The following GALNT17 variants were observed in gnomAD, a reference collection of about 807,000 sequenced individuals.
GALNT17 encodes UDP-GalNAc:polypeptide N-acetylgalactosaminyltransferase-like 3.
Under a neutral mutation model 63.7 loss-of-function variants are expected in GALNT17, and 29 were observed. That is an observed-to-expected ratio of 0.46 (90% confidence interval 0.34 to 0.62). The LOEUF is 0.62. Ranked by LOEUF, GALNT17 falls within the 20% of genes least tolerant of loss-of-function variation. The probability of loss-of-function intolerance (pLI) is 0.01; values close to 1 mark genes in which losing one functional copy is unlikely to be tolerated. For synonymous variants in GALNT17, 305 were observed against 318.3 expected, an observed-to-expected ratio of 0.96 and a Z score of 0.45; for missense variants, 603 against 799.6, an observed-to-expected ratio of 0.75 and a Z score of 2.97.
At chr7:71,566,965 C>G (rs972345864) in intron 5 of GALNT17, among the ~76,000 whole-genome samples, 16 of 152,308 alleles carry the variant, frequency 1.1e-4, no homozygotes, top group Non-Finnish European at 2.4e-4. Flanking sequence ...CCCTCAGGAA[C>G]TGCTCACGGT....
chr7:71,361,503 C>T (rs1792401056), intron 2 of GALNT17, among the ~76,000 whole-genome samples: 1 of 152,030 alleles, frequency 6.6e-6, no homozygotes, highest in African/African-American at 2.4e-5. Flanking sequence ...TCAACAAATA[C>T]CTATTGTATA....
intron 1 of GALNT17, among the ~76,000 whole-genome samples, chr7:71,270,431 A>G (rs1013988442): frequency 1.3e-5 from 2 of 151,398 alleles, no homozygotes; most frequent in African/African-American, 4.9e-5. Flanking sequence ...AGGCTGAGGC[A>G]GGAGAATCAT....
chr7:71,360,160 A>G (rs1464328198), intron 2 of GALNT17, among the ~76,000 whole-genome samples: 1 of 152,214 alleles, frequency 6.6e-6, no homozygotes, highest in Non-Finnish European at 1.5e-5. Context: ...ACATGATCCA[A>G]CCAAATATGA....
At chr7:71,544,136 T>TC (rs1788941179) in intron 5 of GALNT17, among the ~76,000 whole-genome samples, 1 of 144,988 alleles carries the variant, frequency 6.9e-6, no homozygotes, top group South Asian at 2.3e-4. Flanking sequence ...TTTTTTTTTT[T>TC]TTTTTTTTTT....
chr7:71,600,716 C>G (rs1789954650), intron 6 of GALNT17, among the ~76,000 whole-genome samples: 1 of 151,744 alleles, frequency 6.6e-6, no homozygotes, highest in Non-Finnish European at 1.5e-5. Flanking sequence ...GGGTTTGTAC[C>G]TTGGAGAGTA....
intron 5 of GALNT17, among the ~76,000 whole-genome samples, chr7:71,460,577 T>C (rs1015577125): frequency 6.6e-6 from 1 of 152,160 alleles, no homozygotes; most frequent in Non-Finnish European, 1.5e-5. Context: ...AGAGGGTTCT[T>C]GGATCTCATG....
chr7:71,591,756 A>G (rs1250266609), intron 6 of GALNT17, among the ~76,000 whole-genome samples: 1 of 151,796 alleles, frequency 6.6e-6, no homozygotes, highest in Non-Finnish European at 1.5e-5. Context: ...TCTGCCTCCC[A>G]GATTCCAGCG....
chr7:71,696,648 G>C (rs1445484747), intron 9 of GALNT17, among the ~76,000 whole-genome samples: 1 of 152,142 alleles, frequency 6.6e-6, no homozygotes, highest in Non-Finnish European at 1.5e-5. Flanking sequence ...GTTAATAGTT[G>C]TATGTGTCTC....
intron 1 of GALNT17, among the ~76,000 whole-genome samples, chr7:71,266,135 A>G (rs748116320): frequency 6.6e-6 from 1 of 151,882 alleles, no homozygotes; most frequent in Non-Finnish European, 1.5e-5. Context: ...TGTTACTTTG[A>G]TCCTCCTGTA....
At chr7:71,496,025 G>A (rs146032884) in intron 5 of GALNT17, among the ~76,000 whole-genome samples, 2,145 of 152,326 alleles carry the variant, frequency 0.014, 27 homozygotes, top group Non-Finnish European at 0.017. Context: ...AGGCCAGAAG[G>A]CATGGGAACA....
At chr7:71,152,766 A>G (rs1016605122) in intron 1 of GALNT17, among the ~76,000 whole-genome samples, 3 of 151,672 alleles carry the variant, frequency 2.0e-5, no homozygotes, top group Non-Finnish European at 4.4e-5. Context: ...CTGAGTAGCT[A>G]GGATTACAGG....
intron 1 of GALNT17, among the ~76,000 whole-genome samples, chr7:71,150,660 G>A (rs952789602): frequency 9.2e-5 from 14 of 151,834 alleles, no homozygotes; most frequent in African/African-American, 3.4e-4. Context: ...ACAGGTGCCT[G>A]CCACCATGCC....
intron 1 of GALNT17, among the ~76,000 whole-genome samples, chr7:71,178,069 A>C (rs899591780): frequency 5.3e-5 from 8 of 152,262 alleles, no homozygotes; most frequent in African/African-American, 1.9e-4. Context: ...TGGCTGAAGA[A>C]ATTCCTTTAG....
intron 1 of GALNT17, among the ~76,000 whole-genome samples, chr7:71,199,206 G>C (rs1789116070): frequency 6.6e-6 from 1 of 152,176 alleles, no homozygotes; most frequent in African/African-American, 2.4e-5. Context: ...ACAAGGCAAG[G>C]AGCCCTGAAA....
At chr7:71,509,063 T>C (rs949346403) in intron 5 of GALNT17, among the ~76,000 whole-genome samples, 4 of 152,220 alleles carry the variant, frequency 2.6e-5, no homozygotes, top group African/African-American at 7.2e-5. Context: ...ATGGTTCGAC[T>C]TAACGATTTT....
At chr7:71,613,435 C>G (rs555351633) in intron 6 of GALNT17, among the ~76,000 whole-genome samples, 1 of 152,090 alleles carries the variant, frequency 6.6e-6, no homozygotes, top group Non-Finnish European at 1.5e-5. Context: ...AAATCAAAGG[C>G]GAGAATGTCA....
At chr7:71,210,767 G>A (rs895968692) in intron 1 of GALNT17, among the ~76,000 whole-genome samples, 21 of 152,130 alleles carry the variant, frequency 1.4e-4, no homozygotes, top group African/African-American at 5.1e-4. Context: ...TTCCTCATGT[G>A]TGAAGTAGAA....
intron 6 of GALNT17, among the ~76,000 whole-genome samples, chr7:71,600,675 G>A (rs760148010): frequency 6.6e-6 from 1 of 152,174 alleles, no homozygotes; most frequent in Admixed American, 6.5e-5. Context: ...TGTGTCCCTG[G>A]AGGAATGGGA....
At chr7:71,274,975 TC>T (rs2115718575) in intron 1 of GALNT17, among the ~76,000 whole-genome samples, 1 of 152,304 alleles carries the variant, frequency 6.6e-6, no homozygotes, top group South Asian at 2.1e-4. Flanking sequence ...CAGACCACAG[TC>T]CCTGCCTCTG....
Sources: gnomAD v4.1 joint callset for allele counts (sites outside exome capture counted in the v4.1 genomes callset) on GRCh38, gnomAD v4.1.1 for gene constraint, MANE v1.5 for transcripts, NCBI Gene and HGNC (gene_info 2026-07-23, HGNC 2026-07-21) for gene names.